Variants in LPXN observed in about 807,000 individuals in gnomAD.
LPXN encodes leupaxin.
In LPXN, 28 loss-of-function variants were observed where a neutral mutation model predicts 45.6. That is an observed-to-expected ratio of 0.61 (90% CI 0.45 to 0.84). The LOEUF (loss-of-function observed/expected upper bound fraction) is 0.84. LPXN is among the 40% of genes least tolerant of loss of function. LPXN has a pLI of 0.00. For missense variants in LPXN, 459 were observed against 475.0 expected, an observed-to-expected ratio of 0.97 and a Z score of 0.31; for synonymous variants, 166 against 169.9, an observed-to-expected ratio of 0.98 and a Z score of 0.18.
intron 7 of LPXN, among the ~76,000 whole-genome samples, chr11:58,533,591 T>C (rs757497976): frequency 1.1e-4 from 17 of 152,140 alleles, no homozygotes; most frequent in Non-Finnish European, 1.0e-4. Flanking sequence ...AGACCATAGA[T>C]GCTATGAAGA....
chr11:58,574,566 TC>T (rs932858357), intron 1 of LPXN, among the ~76,000 whole-genome samples: 1 of 148,148 alleles, frequency 6.8e-6, no homozygotes, highest in Non-Finnish European at 1.5e-5. Context: ...GTCCCCTCCA[TC>T]CCCCCCAAAA....
intron 7 of LPXN, among the ~76,000 whole-genome samples, chr11:58,547,646 C>T (rs2096209898): frequency 6.6e-6 from 1 of 152,170 alleles, no homozygotes; most frequent in Non-Finnish European, 1.5e-5. Context: ...TACCCCTGTC[C>T]TCGCCTCCTG....
rs754874834 is a variant in LPXN at position 58,570,705 on chromosome 11, A to T, written c.22T>A (p.Leu8Met). 1.9e-5 allele frequency: 30 copies of T among 1,610,536 alleles called. No homozygotes were observed. The highest frequency in any genetic ancestry group is 8.5e-7 in the Non-Finnish European group (1 of 1,177,892). Residue 8 changes from leucine (L) to methionine (M), a missense_variant, in exon 2 of 9, where the codon TTG (leucine) becomes ATG (methionine). Leu to Met is a conservative substitution (Grantham distance 15, BLOSUM62 2). Transcript: ENST00000395074. MEELDAL[L>M]EELERSTLQD... Reference sequence around the variant, plus strand: ...AGGGTGGAGCGTTCCAGTTCCTCCAATAAGGCATCTACACCATAAGAAGCA... The same window carrying T: ...AGGGTGGAGCGTTCCAGTTCCTCCATTAAGGCATCTACACCATAAGAAGCA...
chr11:58,555,606 T>C (rs2120352520), intron 3 of LPXN, among the ~76,000 whole-genome samples: 1 of 152,250 alleles, frequency 6.6e-6, no homozygotes, highest in South Asian at 2.1e-4. Flanking sequence ...GACCATATTC[T>C]TAGATTGGAG....
chr11:58,572,365 T>C (rs1854732516), intron 1 of LPXN, among the ~76,000 whole-genome samples: 1 of 152,144 alleles, frequency 6.6e-6, no homozygotes, highest in South Asian at 2.1e-4. Context: ...TTATGTACCA[T>C]TTTAGAGATA....
chr11:58,575,645 A>C (rs1257121867), intron 1 of LPXN, 115 bp downstream of exon 1: 2 of 1,195,790 alleles, frequency 1.7e-6, no homozygotes, highest in East Asian at 4.6e-5. Flanking sequence ...GAAAGAAGTG[A>C]AAATAAAATC....
chr11:58,568,647 C>T (rs1015886835), intron 2 of LPXN, among the ~76,000 whole-genome samples: 30 of 151,570 alleles, frequency 2.0e-4, no homozygotes, highest in African/African-American at 6.1e-4. Context: ...GTGTTTCATA[C>T]GCTGCTAGAT....
At chr11:58,539,155 A>T (rs910074496) in intron 7 of LPXN, among the ~76,000 whole-genome samples, 8 of 152,116 alleles carry the variant, frequency 5.3e-5, no homozygotes, top group Non-Finnish European at 8.8e-5. Context: ...AAAAAATTTT[A>T]AAAAATTAGC....
intron 2 of LPXN, among the ~76,000 whole-genome samples, chr11:58,567,286 A>G (rs1854553381): frequency 6.6e-6 from 1 of 152,238 alleles, no homozygotes; most frequent in South Asian, 2.1e-4. Flanking sequence ...TTACAGTGGC[A>G]TTAACAATGT....
At chr11:58,533,045 G>T (rs1224397547) in intron 7 of LPXN, among the ~76,000 whole-genome samples, 3 of 152,218 alleles carry the variant, frequency 2.0e-5, no homozygotes, top group Admixed American at 2.0e-4. Flanking sequence ...AACACTCACC[G>T]TGAAGGTCTG....
At chr11:58,568,354 G>A (rs969136032) in intron 2 of LPXN, among the ~76,000 whole-genome samples, 6 of 152,148 alleles carry the variant, frequency 3.9e-5, no homozygotes, top group East Asian at 3.8e-4. Context: ...TGTAATCCCA[G>A]CACTTTGGGA....
At position 58,575,846 on chromosome 11, in the gene LPXN, G is replaced by A. The variant is rs1854872142; in HGVS notation, c.-74C>T. 20 of 1,613,668 alleles carry A rather than the reference G, an allele frequency of 1.2e-5. No individual in the cohort carries two copies. The South Asian group carries it at 1.9e-4, about 15-fold the overall frequency. ...TTGGCATGTGCTGAAGAAGAGGACC[G>A]CAAAGGAACTGGATGAGACAGCATA... On this transcript the variant is annotated 5_prime_UTR_variant, in exon 1 of 9. Coordinates refer to ENST00000395074, the MANE Select transcript of LPXN (RefSeq NM_004811.3).
chr11:58,553,169 CTACTAAAAA>C (rs1854099832), intron 4 of LPXN, among the ~76,000 whole-genome samples: 1 of 151,898 alleles, frequency 6.6e-6, no homozygotes, highest in Non-Finnish European at 1.5e-5. Context: ...AACCTCGTCT[CTACTAAAAA>C]TACAAAAATT....
intron 2 of LPXN, 58 bp downstream of exon 2, chr11:58,570,498 A>T: frequency 7.5e-7 from 1 of 1,333,792 alleles, no homozygotes; most frequent in Middle Eastern, 2.7e-4. Context: ...GATTCTGTTA[A>T]TTTTCAGAAA....
At chr11:58,569,100 G>C (rs1471334594) in intron 2 of LPXN, among the ~76,000 whole-genome samples, 1 of 152,312 alleles carries the variant, frequency 6.6e-6, no homozygotes, top group South Asian at 2.1e-4. Flanking sequence ...CTGGAGAAAA[G>C]AACAGTTAGG....
intron 7 of LPXN, among the ~76,000 whole-genome samples, chr11:58,543,603 C>T (rs1853793847): frequency 6.6e-6 from 1 of 152,106 alleles, no homozygotes; most frequent in South Asian, 2.1e-4. Flanking sequence ...AAAAAGACAG[C>T]TTAGAGAATT....
chr11:58,561,502 T>A (rs908722322), intron 3 of LPXN, among the ~76,000 whole-genome samples: 3 of 152,222 alleles, frequency 2.0e-5, no homozygotes, highest in Non-Finnish European at 4.4e-5. Flanking sequence ...AGTAATTGAT[T>A]CAATCCATTG....
chr11:58,537,821 T>C (rs1159898672), intron 7 of LPXN, among the ~76,000 whole-genome samples: 1 of 151,932 alleles, frequency 6.6e-6, no homozygotes, highest in East Asian at 1.9e-4. Flanking sequence ...GTGCACAATG[T>C]GCACGTTAGT....
At chr11:58,535,843 C>T (rs1036181426) in intron 7 of LPXN, among the ~76,000 whole-genome samples, 10 of 152,128 alleles carry the variant, frequency 6.6e-5, no homozygotes, top group East Asian at 5.8e-4. Context: ...AAAATCAATG[C>T]GCAAAAATCA....
Sources: allele counts gnomAD v4.1 joint callset (sites outside exome capture counted in the v4.1 genomes callset), GRCh38; gene constraint gnomAD v4.1.1; transcripts MANE v1.5; gene names NCBI Gene and HGNC (gene_info 2026-07-23, HGNC 2026-07-21).